RORB: variants seen among roughly 807,000 people sequenced by gnomAD.
RORB encodes the protein nuclear receptor ROR-beta.
Under a neutral mutation model 59.1 loss-of-function variants are expected in RORB, and 6 were observed. The observed-to-expected ratio is 0.10, with a 90% CI of 0.06 to 0.20. RORB has a LOEUF of 0.20. Among genes scored for constraint, RORB ranks in the 10% least tolerant of loss-of-function variants. The probability of loss-of-function intolerance (pLI) is 1.00; values close to 1 mark genes in which losing one functional copy is unlikely to be tolerated. For synonymous variants in RORB, 215 were observed against 204.5 expected, an observed-to-expected ratio of 1.05 and a Z score of -0.44; for missense variants, 320 against 560.5, an observed-to-expected ratio of 0.57 and a Z score of 4.33.
chr9:74,546,261 T>A (rs1826488863), intron 1 of RORB, among the ~76,000 whole-genome samples: 1 of 152,150 alleles, frequency 6.6e-6, no homozygotes, highest in South Asian at 2.1e-4. Context: ...AGGAGAGATA[T>A]GCCAGGGTTT....
In RORB at chr9:74,542,706, A is replaced by C. The variant is rs532252997; in HGVS notation, c.7+44723A>C. ...ATATCTTTTTCCAAAAATTGTGGCTAACTCTACTCAAGATGCTCATAATTC... is the reference window on the plus strand; with the variant it reads ...ATATCTTTTTCCAAAAATTGTGGCTCACTCTACTCAAGATGCTCATAATTC... On this transcript the variant is annotated intron_variant, in intron 1 of 9. Coordinates refer to ENST00000376896, the MANE Select transcript of RORB (RefSeq NM_006914.4). Among the ~76,000 whole-genome samples, 8 of 152,326 alleles carry C rather than the reference A, an allele frequency of 5.3e-5. No homozygotes were observed. In the South Asian group the frequency reaches 1.5e-3, roughly 28 times the overall value.
chr9:74,615,331 T>C (rs988188071), intron 1 of RORB, among the ~76,000 whole-genome samples: 3 of 152,206 alleles, frequency 2.0e-5, no homozygotes, highest in Non-Finnish European at 2.9e-5. Context: ...AAGTTGCTGA[T>C]TGCTATTAAG....
chr9:74,554,748 G>C (rs564835241), intron 1 of RORB, among the ~76,000 whole-genome samples: 3 of 152,170 alleles, frequency 2.0e-5, no homozygotes, highest in Non-Finnish European at 4.4e-5. Context: ...GATGACCAAT[G>C]AATATTTGGC....
chr9:74,552,744 A>T (rs1454290917), intron 1 of RORB, among the ~76,000 whole-genome samples: 1 of 152,116 alleles, frequency 6.6e-6, no homozygotes, highest in African/African-American at 2.4e-5. Flanking sequence ...GGCTCTCAGT[A>T]TAAGGCGGTC....
intron 1 of RORB, among the ~76,000 whole-genome samples, chr9:74,592,621 C>T (rs1239743585): frequency 2.6e-5 from 4 of 152,092 alleles, no homozygotes; most frequent in African/African-American, 7.2e-5. Context: ...TGTCTCAAAA[C>T]CTGCAGTGGG....
Position 74,686,174 on chromosome 9 carries a change from A to T in RORB, c.*556A>T, listed in dbSNP as rs1310229860. The stretch of plus-strand genomic sequence containing the variant: ...CTGTGGCTTAAATACCATACCTACT[A>T]GCAATGGAGGTTCAGTCAGGCTCTC... On this transcript the variant is annotated 3_prime_UTR_variant, in exon 10 of 10. Transcript: ENST00000376896. 1 of 152,628 alleles carries T rather than the reference A, an allele frequency of 6.6e-6. No homozygotes were observed. Among genetic ancestry groups the T allele is most frequent in the Non-Finnish European group, 1.5e-5 (1 of 68,036 alleles). The allele number at this position is 152,628 out of a possible 1,614,324, so 9.5% of individuals were successfully genotyped here.
chr9:74,667,784 T>A lies in RORB; in HGVS notation c.1001-7T>A. On this transcript the variant is annotated splice_region_variant and splice_polypyrimidine_tract_variant and intron_variant, in intron 7 of 9. Coordinates refer to ENST00000376896, the MANE Select transcript of RORB (RefSeq NM_006914.4). The stretch of plus-strand genomic sequence containing the variant: ...ATTTTTATTCCATTTTTCTTCTTCC[T>A]TTATAGGTTCTGATGACCTAGTGAA... 6.3e-7 allele frequency: 1 copy of A among 1,576,038 alleles called. No individual in the cohort carries two copies. The highest frequency in any genetic ancestry group is 8.7e-7 in the Non-Finnish European group (1 of 1,145,330).
At chr9:74,620,202 T>C (rs573056198) in intron 1 of RORB, among the ~76,000 whole-genome samples, 20 of 152,226 alleles carry the variant, frequency 1.3e-4, no homozygotes, top group Non-Finnish European at 2.6e-4. Context: ...GGCTATTAAT[T>C]ACGGCCTCAA....
intron 1 of RORB, among the ~76,000 whole-genome samples, chr9:74,513,361 T>C (rs112988109): frequency 1.3e-5 from 2 of 152,072 alleles, no homozygotes; most frequent in African/African-American, 4.8e-5. Context: ...TTTATTCTTA[T>C]ATTTAGTATT....
chr9:74,519,351 G>C (rs187516247), intron 1 of RORB, among the ~76,000 whole-genome samples: 10 of 152,048 alleles, frequency 6.6e-5, no homozygotes, highest in Admixed American at 5.9e-4. Context: ...ATTCAATGAA[G>C]GGAGATTCTT....
At chr9:74,598,832 G>C (rs1823011785) in intron 1 of RORB, among the ~76,000 whole-genome samples, 1 of 152,164 alleles carries the variant, frequency 6.6e-6, no homozygotes, top group Admixed American at 6.5e-5. Context: ...GAAATTCAAA[G>C]GTATGACCCT....
chr9:74,551,742 A>G (rs1826611737), intron 1 of RORB, among the ~76,000 whole-genome samples: 1 of 152,198 alleles, frequency 6.6e-6, no homozygotes, highest in Non-Finnish European at 1.5e-5. Flanking sequence ...GTACATGGAA[A>G]TATCTCAGAG....
In RORB at chr9:74,672,535, C is replaced by G. The variant is rs553397340; in HGVS notation, c.1224+634C>G. Among the ~76,000 whole-genome samples the G allele has an allele frequency of 7.2e-5, 11 of 152,152 alleles. No homozygotes were observed. In the South Asian group the frequency reaches 2.1e-3, roughly 29 times the overall value. The stretch of plus-strand genomic sequence containing the variant: ...GGTTCTTTCAAAATGGGGAAGTTTC[C>G]CTGGAGCAAAATCCATGCAACATGT... On this transcript the variant is annotated intron_variant, in intron 9 of 9. Transcript: ENST00000376896.
At chr9:74,675,730 G>A (rs958672647) in intron 9 of RORB, among the ~76,000 whole-genome samples, 5 of 152,146 alleles carry the variant, frequency 3.3e-5, no homozygotes, top group African/African-American at 7.2e-5. Flanking sequence ...AGAGGTCAGC[G>A]TGCCCGTCAG....
chr9:74,527,334 G>T (rs188650796), intron 1 of RORB, among the ~76,000 whole-genome samples: 300 of 152,030 alleles, frequency 2.0e-3, no homozygotes, highest in Non-Finnish European at 2.5e-3. Context: ...CCTATTATGT[G>T]CCAGTCGCTG....
chr9:74,570,579 T>C (rs998072880), intron 1 of RORB, among the ~76,000 whole-genome samples: 6 of 152,170 alleles, frequency 3.9e-5, no homozygotes, highest in Non-Finnish European at 8.8e-5. Flanking sequence ...AGAGTATTTA[T>C]ATAACACATA....
At chr9:74,681,646 T>G (rs1008844500) in intron 9 of RORB, among the ~76,000 whole-genome samples, 3 of 152,194 alleles carry the variant, frequency 2.0e-5, no homozygotes, top group Non-Finnish European at 2.9e-5. Context: ...TCCCAGTTTT[T>G]TTCCCAGGAA....
intron 1 of RORB, among the ~76,000 whole-genome samples, chr9:74,622,076 C>G (rs1272835031): frequency 6.6e-6 from 1 of 151,584 alleles, no homozygotes; most frequent in Non-Finnish European, 1.5e-5. Context: ...ATATTTTGCT[C>G]TTTTTGAATT....
intron 3 of RORB, among the ~76,000 whole-genome samples, chr9:74,640,491 G>T (rs990692851): frequency 3.3e-5 from 5 of 152,002 alleles, no homozygotes; most frequent in African/African-American, 1.2e-4. Flanking sequence ...CACCACGTTA[G>T]CCAGGATGGT....
Sources: allele counts gnomAD v4.1 joint callset (sites outside exome capture counted in the v4.1 genomes callset), GRCh38; gene constraint gnomAD v4.1.1; transcripts MANE v1.5; gene names NCBI Gene and HGNC (gene_info 2026-07-23, HGNC 2026-07-21).